CD9: variants seen among roughly 807,000 people sequenced by gnomAD.
CD9 encodes CD9 antigen.
In CD9, 10 loss-of-function variants were observed where a neutral mutation model predicts 31.4. That is an observed-to-expected ratio of 0.32 (90% CI 0.20 to 0.54). The LOEUF is 0.54. Ranked by LOEUF, CD9 falls within the 20% of genes least tolerant of loss-of-function variation. CD9 has a pLI of 0.94. For missense variants in CD9, 259 were observed against 300.1 expected (o/e 0.86, Z 1.01); for synonymous variants, 113 against 114.1 (o/e 0.99, Z 0.06).
chr12:6,228,203 C>G (rs991530501), intron 2 of CD9, among the ~76,000 whole-genome samples: 1 of 152,150 alleles, frequency 6.6e-6, no homozygotes, highest in Non-Finnish European at 1.5e-5. Flanking sequence ...GCAGAAGCGC[C>G]GGCAAGGGGG....
intron 1 of CD9, chr12:6,200,819 G>C (rs1484343516): frequency 2.3e-6 from 1 of 426,152 alleles, no homozygotes; most frequent in Non-Finnish European, 4.1e-6. Context: ...GCCCTCTTGA[G>C]ATGAGGCGTG....
chr12:6,202,486 C>G (rs1946088215), intron 1 of CD9, among the ~76,000 whole-genome samples: 2 of 152,244 alleles, frequency 1.3e-5, no homozygotes, highest in Admixed American at 1.3e-4. Context: ...GGTTAGTCCT[C>G]AGCTGTCTGC....
rs549100200 is a variant in CD9, at chr12:6,237,882, T to TTTTG, written c.*66_*69dup. 2 of 1,353,132 alleles carry TTTTG rather than the reference T, an allele frequency of 1.5e-6. No homozygotes were observed. Among genetic ancestry groups the TTTTG allele is most frequent in the African/African-American group, 1.4e-5 (1 of 69,774 alleles). The allele number at this position is 1,353,132 out of a possible 1,614,324, so 83.8% of individuals were successfully genotyped here. ...TTTACCCATGAAGATTGGTGGGATT[T>TTTTG]TTTGTTTGTTTGTTTTGTTTTGTTT... On this transcript the variant is annotated 3_prime_UTR_variant, in exon 8 of 8. Transcript: ENST00000009180.
intron 4 of CD9, among the ~76,000 whole-genome samples, chr12:6,234,111 G>A (rs1035891401): frequency 1.3e-5 from 2 of 151,708 alleles, no homozygotes; most frequent in Non-Finnish European, 2.9e-5. Flanking sequence ...CCTAAACCTT[G>A]AATGAGAGAT....
intron 1 of CD9, among the ~76,000 whole-genome samples, chr12:6,210,133 C>G (rs1424381124): frequency 1.4e-5 from 2 of 143,330 alleles, no homozygotes; most frequent in Non-Finnish European, 3.1e-5. Context: ...CACAGAGAGG[C>G]CTGTGCTGAT....
chr12:6,202,999 C>T lies in CD9; in HGVS notation c.66+2434C>T, dbSNP rs965746725. Among the ~76,000 whole-genome samples, 4 of 152,116 alleles carry T rather than the reference C, an allele frequency of 2.6e-5. No individual in the cohort carries two copies. In the South Asian group the frequency reaches 6.2e-4, roughly 24 times the overall value. ...GTTCATTTGTCCTGTATCTGGGTCC[C>T]TGTGGAGATGAAGCCCTCATCCCTA... On this transcript the variant is annotated intron_variant, in intron 1 of 7. Transcript: ENST00000009180.
chr12:6,212,125 C>G (rs1257542549), intron 1 of CD9, among the ~76,000 whole-genome samples: 1 of 152,150 alleles, frequency 6.6e-6, no homozygotes, highest in East Asian at 1.9e-4. Context: ...TGTCTCCCTT[C>G]TATCAGGGAG....
In CD9 at chr12:6,225,408, G is replaced by A; in HGVS notation, c.67-18G>A. 6.5e-7 allele frequency: 1 copy of A among 1,541,746 alleles called. No homozygotes were observed. Among genetic ancestry groups the A allele is most frequent in the African/African-American group, 1.4e-5 (1 of 73,578 alleles). ...GCTGGCAGCCAGAATTAATGCTGAT[G>A]TCCTGTATGTCTTGCAGCTTGCCGG... On this transcript the variant is annotated intron_variant, in intron 1 of 7. Transcript: ENST00000009180.
intron 2 of CD9, among the ~76,000 whole-genome samples, chr12:6,230,533 A>G (rs1305239189): frequency 1.3e-5 from 2 of 152,182 alleles, no homozygotes; most frequent in Non-Finnish European, 2.9e-5. Flanking sequence ...AATCCTTTTG[A>G]TCTCTTAATA....
chr12:6,225,833 T>C (rs1488615966), intron 2 of CD9: 1 of 366,534 alleles, frequency 2.7e-6, no homozygotes, highest in East Asian at 5.8e-5. Flanking sequence ...TACGAACCTC[T>C]GTTCTCATCT....
intron 2 of CD9, among the ~76,000 whole-genome samples, chr12:6,225,920 G>A (rs1030672707): frequency 6.6e-6 from 1 of 152,128 alleles, no homozygotes; most frequent in Non-Finnish European, 1.5e-5. Context: ...GGGATCTGCA[G>A]TGCTGGAAGA....
chr12:6,219,481 G>A (rs1946272408), intron 1 of CD9, among the ~76,000 whole-genome samples: 1 of 151,500 alleles, frequency 6.6e-6, no homozygotes, highest in Non-Finnish European at 1.5e-5. Context: ...ATTGTTCTTT[G>A]TGGTTTCTTT....
At chr12:6,200,288 G>A (rs1946059461), upstream of CD9, 3 of 289,828 alleles carry the variant, frequency 1.0e-5, no homozygotes, top group African/African-American at 6.8e-5. Flanking sequence ...GGGGCGGGAG[G>A]CGTGGCCGGC....
At chr12:6,226,942 G>T (rs930164534) in intron 2 of CD9, among the ~76,000 whole-genome samples, 1 of 152,180 alleles carries the variant, frequency 6.6e-6, no homozygotes, top group Admixed American at 6.5e-5. Context: ...GCCCTGTGCT[G>T]GGGGAGCAGG....
upstream of CD9, chr12:6,199,973 G>A (rs1946052760): frequency 6.6e-6 from 1 of 152,206 alleles, no homozygotes; most frequent in South Asian, 2.1e-4. Flanking sequence ...TGGCCAAGGG[G>A]CCTTTAGCCC....
chr12:6,217,657 T>C (rs1300959238), intron 1 of CD9, among the ~76,000 whole-genome samples: 14 of 152,146 alleles, frequency 9.2e-5, no homozygotes, highest in Non-Finnish European at 1.0e-4. Context: ...TTGTTGAAAA[T>C]TGTGTATCAT....
chr12:6,227,386 C>T (rs11568247), intron 2 of CD9, among the ~76,000 whole-genome samples: 68 of 152,104 alleles, frequency 4.5e-4, no homozygotes, highest in African/African-American at 1.5e-3. Flanking sequence ...TTAGTACAGA[C>T]GGGGTTTCTC....
chr12:6,222,344 T>C (rs1182904843), intron 1 of CD9, among the ~76,000 whole-genome samples: 1 of 152,256 alleles, frequency 6.6e-6, no homozygotes, highest in Non-Finnish European at 1.5e-5. Flanking sequence ...GTCATGCCCC[T>C]GGCCCTCCCT....
chr12:6,235,161 A>C (rs77249075), intron 4 of CD9, 68 bp from the exon 5 acceptor site: 1 of 1,139,956 alleles, frequency 8.8e-7, no homozygotes, highest in Non-Finnish European at 1.3e-6. Flanking sequence ...GATGGAACGC[A>C]TAACATTTGT....
Sources: allele counts gnomAD v4.1 joint callset (sites outside exome capture counted in the v4.1 genomes callset), GRCh38; gene constraint gnomAD v4.1.1; transcripts MANE v1.5; gene names NCBI Gene and HGNC (gene_info 2026-07-23, HGNC 2026-07-21).